Variants in CHSY3 observed in about 807,000 individuals in gnomAD.
The protein encoded by CHSY3 is chondroitin sulfate synthase 3.
In CHSY3, 35 loss-of-function variants were observed where a neutral mutation model predicts 67.2. The observed-to-expected ratio is 0.52, with a 90% confidence interval of 0.40 to 0.69. The LOEUF (loss-of-function observed/expected upper bound fraction) is 0.69. Among genes scored for constraint, CHSY3 ranks in the 30% least tolerant of loss-of-function variants. CHSY3 has a pLI of 0.00. For missense variants in CHSY3, 1,069 were observed against 1,138.5 expected (o/e 0.94, Z 0.88); for synonymous variants, 474 against 434.7 (o/e 1.09, Z -1.12).
At chr5:130,000,971 A>G (rs891123396) in intron 2 of CHSY3, among the ~76,000 whole-genome samples, 1 of 150,338 alleles carries the variant, frequency 6.7e-6, no homozygotes, top group East Asian at 2.0e-4. Context: ...ACTCACTGCA[A>G]CCTCAGCCTG....
intron 2 of CHSY3, among the ~76,000 whole-genome samples, chr5:130,124,836 C>A (rs1309507217): frequency 1.3e-5 from 2 of 152,118 alleles, no homozygotes; most frequent in East Asian, 3.9e-4. Flanking sequence ...TACCCCAGAA[C>A]TGAAAGTATA....
intron 2 of CHSY3, among the ~76,000 whole-genome samples, chr5:129,995,511 T>C (rs1285639145): frequency 2.0e-5 from 3 of 150,836 alleles, no homozygotes; most frequent in Non-Finnish European, 2.9e-5. Context: ...TCTTTTCTTT[T>C]CTTTTTTTTT....
chr5:130,027,921 G>T (rs930173642), intron 2 of CHSY3, among the ~76,000 whole-genome samples: 5 of 152,112 alleles, frequency 3.3e-5, no homozygotes, highest in African/African-American at 9.7e-5. Context: ...GAATAGTGCT[G>T]CAATAAACAT....
intron 2 of CHSY3, among the ~76,000 whole-genome samples, chr5:129,999,258 CT>C (rs1763649372): frequency 6.6e-6 from 1 of 151,862 alleles, no homozygotes; most frequent in Non-Finnish European, 1.5e-5. Context: ...TACACCCAAC[CT>C]TTTGTGAAAA....
chr5:130,126,828 C>T (rs1768308057), intron 2 of CHSY3, among the ~76,000 whole-genome samples: 1 of 152,080 alleles, frequency 6.6e-6, no homozygotes, highest in Non-Finnish European at 1.5e-5. Flanking sequence ...AAAGCATAAA[C>T]CCAGACTTTA....
chr5:130,055,489 G>T (rs1301452439), intron 2 of CHSY3, among the ~76,000 whole-genome samples: 1 of 152,074 alleles, frequency 6.6e-6, no homozygotes, highest in Non-Finnish European at 1.5e-5. Context: ...AATATTTTAA[G>T]TTCTTGGCTT....
intron 2 of CHSY3, among the ~76,000 whole-genome samples, chr5:130,060,878 AAGG>A (rs1765689435): frequency 6.6e-6 from 1 of 152,124 alleles, no homozygotes; most frequent in Non-Finnish European, 1.5e-5. Flanking sequence ...AGATCTCTAA[AAGG>A]AGAACAACAA....
intron 2 of CHSY3, among the ~76,000 whole-genome samples, chr5:130,164,438 G>C (rs1769663975): frequency 6.6e-6 from 1 of 152,136 alleles, no homozygotes; most frequent in Non-Finnish European, 1.5e-5. Flanking sequence ...GTAGAGAATT[G>C]AGATGTCAGG....
intron 2 of CHSY3, among the ~76,000 whole-genome samples, chr5:129,941,492 T>G (rs1019501040): frequency 3.9e-5 from 6 of 152,190 alleles, no homozygotes; most frequent in Admixed American, 6.5e-5. Context: ...ATATGATGTT[T>G]CTTGGTATAA....
At chr5:130,118,659 A>G (rs1434702537) in intron 2 of CHSY3, among the ~76,000 whole-genome samples, 2 of 152,250 alleles carry the variant, frequency 1.3e-5, no homozygotes, top group African/African-American at 2.4e-5. Context: ...TTTGCAAACT[A>G]TCATCGATTT....
At chr5:130,105,659 A>C (rs1238523747) in intron 2 of CHSY3, among the ~76,000 whole-genome samples, 1 of 151,698 alleles carries the variant, frequency 6.6e-6, no homozygotes, top group Non-Finnish European at 1.5e-5. Flanking sequence ...ATTTATAGCA[A>C]CTTGACTTGG....
chr5:129,978,771 A>G (rs1327627519), intron 2 of CHSY3, among the ~76,000 whole-genome samples: 2 of 152,148 alleles, frequency 1.3e-5, no homozygotes, highest in African/African-American at 4.8e-5. Flanking sequence ...AAAGTATTTT[A>G]ATCTACCCGA....
chr5:129,978,831 A>G (rs901477489), intron 2 of CHSY3, among the ~76,000 whole-genome samples: 3 of 152,164 alleles, frequency 2.0e-5, no homozygotes, highest in Non-Finnish European at 4.4e-5. Flanking sequence ...TAGCTTCCCA[A>G]CTGAAACTGT....
At chr5:129,922,412 T>C (rs1760955661) in intron 2 of CHSY3, among the ~76,000 whole-genome samples, 1 of 152,266 alleles carries the variant, frequency 6.6e-6, no homozygotes, top group Non-Finnish European at 1.5e-5. Flanking sequence ...AGCCCCCATA[T>C]TGTTTTTCAT....
intron 2 of CHSY3, among the ~76,000 whole-genome samples, chr5:130,003,141 T>C (rs1763780344): frequency 1.3e-5 from 2 of 152,174 alleles, no homozygotes; most frequent in Non-Finnish European, 2.9e-5. Flanking sequence ...GTGTTGTTGC[T>C]AATTAATTTG....
chr5:130,082,267 T>C (rs527281760), intron 2 of CHSY3, among the ~76,000 whole-genome samples: 32 of 106,136 alleles, frequency 3.0e-4, no homozygotes, highest in Admixed American at 7.6e-4. Flanking sequence ...TTTACTTATA[T>C]AAAACAAGCT....
At chr5:129,977,314 A>G (rs1480060678) in intron 2 of CHSY3, among the ~76,000 whole-genome samples, 1 of 152,208 alleles carries the variant, frequency 6.6e-6, no homozygotes, top group Admixed American at 6.5e-5. Flanking sequence ...ACTGATTAGC[A>G]GCACAATTAT....
chr5:130,058,029 CT>C (rs1561517057), intron 2 of CHSY3, among the ~76,000 whole-genome samples: 2 of 152,052 alleles, frequency 1.3e-5, no homozygotes, highest in South Asian at 2.1e-4. Context: ...CATCATTTCT[CT>C]TTTTTTAAAA....
intron 2 of CHSY3, among the ~76,000 whole-genome samples, chr5:129,986,703 C>T (rs7705484): frequency 0.51 from 77,969 of 151,946 alleles, 20,691 homozygotes; most frequent in Non-Finnish European, 0.59. Context: ...AGTACAGCGG[C>T]ATGTTCTTGG....
Sources: gnomAD v4.1 joint callset for allele counts (sites outside exome capture counted in the v4.1 genomes callset) on GRCh38, gnomAD v4.1.1 for gene constraint, MANE v1.5 for transcripts, NCBI Gene and HGNC (gene_info 2026-07-23, HGNC 2026-07-21) for gene names.